Variants in NEK1 observed in about 807,000 individuals in gnomAD.
NEK1 encodes the protein serine/threonine-protein kinase Nek1.
A neutral mutation model predicts 182.1 loss-of-function variants in NEK1; 137 were observed. The observed-to-expected ratio is 0.75, with a 90% CI of 0.65 to 0.87. The LOEUF is 0.87. NEK1 is among the 40% of genes least tolerant of loss of function. NEK1 has a pLI of 0.00. For synonymous variants in NEK1, 513 were observed against 492.2 expected, an observed-to-expected ratio of 1.04 and a Z score of -0.56; for missense variants, 1,391 against 1,494.4, an observed-to-expected ratio of 0.93 and a Z score of 1.14.
chr4:169,409,496 G>A (rs1309847701), intron 31 of NEK1, among the ~76,000 whole-genome samples: 1 of 151,936 alleles, frequency 6.6e-6, no homozygotes, highest in Non-Finnish European at 1.5e-5. Context: ...CGGGTGCAGT[G>A]GCTCACTCAC....
intron 19 of NEK1, among the ~76,000 whole-genome samples, chr4:169,522,325 A>C (rs1296474520): frequency 1.3e-5 from 2 of 152,176 alleles, no homozygotes; most frequent in African/African-American, 4.8e-5. Context: ...GCAACTTTCA[A>C]ACCCTTGTCA....
chr4:169,494,772 T>A (rs1750837711), intron 23 of NEK1, among the ~76,000 whole-genome samples: 4 of 152,210 alleles, frequency 2.6e-5, no homozygotes, highest in Admixed American at 6.5e-5. Context: ...GTTTCCTCAC[T>A]TTTTAGTGAT....
chr4:169,480,863 C>T (rs1747864871), intron 23 of NEK1, among the ~76,000 whole-genome samples: 2 of 152,128 alleles, frequency 1.3e-5, no homozygotes, highest in African/African-American at 4.8e-5. Flanking sequence ...CAAGCGTAAG[C>T]CACTGTGCCC....
chr4:169,496,799 G>A lies in NEK1; in HGVS notation c.2007+10238C>T, dbSNP rs1013870263. Among the ~76,000 whole-genome samples, 39 of 152,066 alleles carry A rather than the reference G, an allele frequency of 2.6e-4. No homozygotes were observed. The East Asian group carries it at 5.8e-3, about 23-fold the overall frequency. On this transcript the variant is annotated intron_variant, in intron 23 of 35. Transcript: ENST00000507142. ...AGCTTTTTGATGTGCTGCTGGATTC[G>A]GTTTGCCAGTATTTTATTGAGGATT...
intron 12 of NEK1, among the ~76,000 whole-genome samples, chr4:169,569,390 G>A (rs1764247405): frequency 6.6e-6 from 1 of 151,966 alleles, no homozygotes; most frequent in African/African-American, 2.4e-5. Context: ...GATATCGTCA[G>A]CAGCTGCTTT....
chr4:169,528,527 G>A (rs1757218599), intron 19 of NEK1, among the ~76,000 whole-genome samples: 1 of 152,182 alleles, frequency 6.6e-6, no homozygotes, highest in South Asian at 2.1e-4. Context: ...TTACAGTCTT[G>A]TGAGACTCCA....
Position 169,401,737 on chromosome 4 carries a change from C to T in NEK1, c.3498G>A (p.Val1166=). Residue 1166 remains valine (V), a synonymous_variant, in exon 33 of 36, where the codon GTG becomes GTA. Coordinates refer to ENST00000507142, the MANE Select transcript of NEK1 (RefSeq NM_001199397.3). ...CATCTGTCCCATTTGCAGTTGGCTCCACATCACTGTTCTTCAAGACTGACT... is the reference window on the plus strand; with the variant it reads ...CATCTGTCCCATTTGCAGTTGGCTCTACATCACTGTTCTTCAAGACTGACT... ...EEESVLKNSD[V]EPTANGTDVA... 6.2e-7 allele frequency: 1 copy of T among 1,613,926 alleles called. No individual in the cohort carries two copies. Among genetic ancestry groups the T allele is most frequent in the Non-Finnish European group, 8.5e-7 (1 of 1,179,828 alleles).
chr4:169,518,668 C>T (rs1755542770), intron 19 of NEK1, among the ~76,000 whole-genome samples: 2 of 99,352 alleles, frequency 2.0e-5, no homozygotes, highest in East Asian at 5.4e-4. Flanking sequence ...CCTCTACACA[C>T]TGCTTTGAAT....
chr4:169,433,591 T>C lies in NEK1; in HGVS notation c.2839A>G (p.Ile947Val), dbSNP rs776477035. 1.2e-5 allele frequency: 19 copies of C among 1,613,342 alleles called. No individual in the cohort carries two copies. Among genetic ancestry groups the C allele is most frequent in the South Asian group, 1.1e-4 (10 of 91,044 alleles). ...TNKDESLPCT[I>V]TDVWISEEKE... ...TCCTCACTAATCCACACATCAGTAA[T>C]AGTGCATGGCAAGCTCTCATCTTTG... Residue 947 changes from isoleucine to valine, a missense_variant, in exon 29 of 36, where the codon ATT (isoleucine) becomes GTT (valine). Ile to Val is a conservative substitution (Grantham distance 29). Coordinates refer to ENST00000507142, the MANE Select transcript of NEK1 (RefSeq NM_001199397.3).
At chr4:169,441,374 G>A (rs977801745) in intron 27 of NEK1, among the ~76,000 whole-genome samples, 1 of 152,188 alleles carries the variant, frequency 6.6e-6, no homozygotes. Flanking sequence ...CTGGGAGATC[G>A]ATCTGCCCCA....
chr4:169,435,355 AG>A (rs1327112589), intron 28 of NEK1, among the ~76,000 whole-genome samples: 1 of 152,160 alleles, frequency 6.6e-6, no homozygotes. Context: ...CCATTACATC[AG>A]GGATTAGATT....
intron 4 of NEK1, among the ~76,000 whole-genome samples, chr4:169,599,892 CT>C (rs564714528): frequency 2.6e-4 from 39 of 148,314 alleles, no homozygotes; most frequent in African/African-American, 7.7e-4. Context: ...TTTATTTAGG[CT>C]TTTTTTTTTC....
At position 169,585,482 on chromosome 4, in the gene NEK1, A is replaced by G; in HGVS notation, c.674T>C (p.Leu225Ser). ...ACTGCGGAGATCATAGGAATAATGC[A>G]AAGACACAGGTGGAAAAGATCCAGA... is the stretch of plus-strand genomic sequence containing the variant. The part of the protein sequence containing the change: ...IISGSFPPVS[L>S]HYSYDLRSLV... The change falls in exon 10 of 36, where the codon TTG (leucine) becomes TCG (serine). Residue 225 changes from leucine (L) to serine (S), a missense_variant. Coordinates refer to ENST00000507142, the MANE Select transcript of NEK1 (RefSeq NM_001199397.3). 1.9e-6 allele frequency: 3 copies of G among 1,613,714 alleles called. No homozygotes were observed. Among genetic ancestry groups the G allele is most frequent in the Non-Finnish European group, 2.5e-6 (3 of 1,179,706 alleles).
intron 19 of NEK1, among the ~76,000 whole-genome samples, chr4:169,535,086 G>A (rs1029807653): frequency 6.6e-6 from 1 of 152,162 alleles, no homozygotes; most frequent in East Asian, 1.9e-4. Flanking sequence ...TTGGGAGGCT[G>A]AGGCTGGCAG....
At chr4:169,418,071 TTG>T (rs1238532481) in intron 31 of NEK1, among the ~76,000 whole-genome samples, 2 of 151,480 alleles carry the variant, frequency 1.3e-5, no homozygotes, top group Non-Finnish European at 2.9e-5. Context: ...AGCTGGGGAG[TTG>T]TAAGCTGAAC....
intron 27 of NEK1, among the ~76,000 whole-genome samples, chr4:169,442,173 T>G (rs1192092465): frequency 6.6e-6 from 1 of 152,124 alleles, no homozygotes; most frequent in Non-Finnish European, 1.5e-5. Context: ...CACCAGTGCC[T>G]GAACACCATC....
chr4:169,548,419 G>A lies in NEK1; in HGVS notation c.1562+7301C>T, dbSNP rs374505465. ...GTCTGTCGGCCCCTACTGGGGAGGTGTCTCCCAGTCAGGATACACAGGGGT... is the reference window on the plus strand; with the variant it reads ...GTCTGTCGGCCCCTACTGGGGAGGTATCTCCCAGTCAGGATACACAGGGGT... On this transcript the variant is annotated intron_variant, in intron 18 of 35. Coordinates refer to ENST00000507142, the MANE Select transcript of NEK1 (RefSeq NM_001199397.3). Among the ~76,000 whole-genome samples, 28 of 151,788 alleles carry A rather than the reference G, an allele frequency of 1.8e-4. No individual in the cohort carries two copies. In the South Asian group the frequency reaches 5.6e-3, roughly 30 times the overall value.
rs76621856 is a variant in NEK1 at position 169,442,255 on chromosome 4, C to T, written c.2588-3996G>A. Among the ~76,000 whole-genome samples the T allele has an allele frequency of 1.4e-3, 216 of 152,302 alleles. 1 individual carries two copies. The highest frequency in any genetic ancestry group is 2.8e-3 in the Non-Finnish European group (188 of 68,016). ...CCTGAGGACTGGCTCAACTGGCTCC[C>T]TGTCCACGGTAAATCCTTACCAGAG... On this transcript the variant is annotated intron_variant, in intron 27 of 35. Coordinates refer to ENST00000507142, the MANE Select transcript of NEK1 (RefSeq NM_001199397.3).
chr4:169,505,220 TAC>T (rs1451855015), intron 23 of NEK1, among the ~76,000 whole-genome samples: 1 of 152,028 alleles, frequency 6.6e-6, no homozygotes, highest in African/African-American at 2.4e-5. Flanking sequence ...ACAATAAATA[TAC>T]AGTTAATCCT....
Sources: allele counts gnomAD v4.1 joint callset (sites outside exome capture counted in the v4.1 genomes callset), GRCh38; gene constraint gnomAD v4.1.1; transcripts MANE v1.5; gene names NCBI Gene and HGNC (gene_info 2026-07-23, HGNC 2026-07-21).